TNS3: variants seen among roughly 807,000 people sequenced by gnomAD.
TNS3 encodes the protein tensin-3.
In TNS3, 45 loss-of-function variants were observed where a neutral mutation model predicts 140.9. That is an observed-to-expected ratio of 0.32 (90% confidence interval 0.25 to 0.41). The LOEUF (loss-of-function observed/expected upper bound fraction) is 0.41, where lower values mean the gene tolerates loss of function less well. Among genes scored for constraint, TNS3 ranks in the 10% least tolerant of loss-of-function variants. The pLI, the probability that TNS3 is intolerant of heterozygous loss-of-function variation, is 1.00. For synonymous variants in TNS3, 815 were observed against 788.4 expected, an observed-to-expected ratio of 1.03 and a Z score of -0.56; for missense variants, 1,716 against 1,906.7, an observed-to-expected ratio of 0.90 and a Z score of 1.86.
intron 20 of TNS3, among the ~76,000 whole-genome samples, chr7:47,342,279 A>G (rs1789064361): frequency 6.6e-6 from 1 of 152,236 alleles, no homozygotes. Flanking sequence ...AGAGAAAAGT[A>G]TGTCTAATTC....
At chr7:47,439,885 C>T (rs1380958900) in intron 5 of TNS3, among the ~76,000 whole-genome samples, 1 of 152,062 alleles carries the variant, frequency 6.6e-6, no homozygotes, top group Admixed American at 6.5e-5. Flanking sequence ...CAGGGCATGA[C>T]GGGGTACCGC....
intron 23 of TNS3, among the ~76,000 whole-genome samples, chr7:47,301,250 G>A (rs542607263): frequency 1.3e-5 from 2 of 152,214 alleles, no homozygotes; most frequent in South Asian, 4.2e-4. Flanking sequence ...GTGGCCACCG[G>A]GATTCACTTT....
At chr7:47,578,358 TC>T (rs1327302434) in intron 1 of TNS3, among the ~76,000 whole-genome samples, 3 of 152,252 alleles carry the variant, frequency 2.0e-5, no homozygotes, top group South Asian at 4.2e-4. Context: ...ATCCTCCCCT[TC>T]CCTGACACAG....
At chr7:47,288,961 G>A (rs574582713) in intron 27 of TNS3, among the ~76,000 whole-genome samples, 1 of 152,288 alleles carries the variant, frequency 6.6e-6, no homozygotes, top group Admixed American at 6.5e-5. Flanking sequence ...TCATTTTGGA[G>A]CTTCGAGTTT....
chr7:47,432,414 C>T (rs1015915849), intron 8 of TNS3, among the ~76,000 whole-genome samples: 10 of 152,134 alleles, frequency 6.6e-5, no homozygotes, highest in South Asian at 2.1e-4. Flanking sequence ...TCTCACCAGA[C>T]GCAGCCCCTT....
rs371408432 is a variant in TNS3 at position 47,368,779 on chromosome 7, C to G, written c.1867G>C (p.Val623Leu). 3 of 1,598,712 alleles carry G rather than the reference C, an allele frequency of 1.9e-6. No homozygotes were observed. The highest frequency in any genetic ancestry group is 1.7e-6 in the Non-Finnish European group (2 of 1,173,044). The change falls in exon 17 of 31, where the codon GTC becomes CTC. Residue 623 changes from valine (V) to leucine (L), a missense_variant. Transcript: ENST00000311160. ...SRCPADNPGLVQAQPRVPLTP... is the reference protein window; with the variant it reads ...SRCPADNPGLLQAQPRVPLTP... ...AGTGGCACTCTGGGCTGGGCCTGGA[C>G]GAGGCCAGGATTGTCTGCAGGGCAG... is the stretch of plus-strand genomic sequence containing the variant.
chr7:47,490,263 C>T (rs1797761854), intron 3 of TNS3, among the ~76,000 whole-genome samples: 1 of 152,172 alleles, frequency 6.6e-6, no homozygotes, highest in African/African-American at 2.4e-5. Flanking sequence ...TCACCGGCCA[C>T]CTATAATTAA....
intron 24 of TNS3, among the ~76,000 whole-genome samples, chr7:47,296,858 T>C (rs1057220818): frequency 2.0e-5 from 3 of 152,142 alleles, no homozygotes; most frequent in African/African-American, 7.2e-5. Flanking sequence ...TTTTGAACAA[T>C]GAAATGGATT....
chr7:47,288,787 T>G (rs1284586305), intron 27 of TNS3, among the ~76,000 whole-genome samples: 2 of 152,212 alleles, frequency 1.3e-5, no homozygotes, highest in Non-Finnish European at 2.9e-5. Context: ...CAAGGCATTG[T>G]CAATGTCCTA....
chr7:47,533,839 C>T (rs1394865807), intron 1 of TNS3, among the ~76,000 whole-genome samples: 1 of 152,078 alleles, frequency 6.6e-6, no homozygotes, highest in African/African-American at 2.4e-5. Flanking sequence ...TGAGATGTGC[C>T]TTTCACCTTT....
chr7:47,363,811 C>T (rs1165763916), intron 17 of TNS3, among the ~76,000 whole-genome samples: 1 of 152,200 alleles, frequency 6.6e-6, no homozygotes, highest in Admixed American at 6.5e-5. Context: ...GGAAATGATG[C>T]CCCTTGCAGG....
intron 17 of TNS3, among the ~76,000 whole-genome samples, chr7:47,366,911 C>T (rs913508756): frequency 2.6e-5 from 4 of 152,350 alleles, no homozygotes; most frequent in Middle Eastern, 6.8e-3. Flanking sequence ...GTGGGAATCA[C>T]ATGCACGGCG....
At chr7:47,389,006 GAAGAAGAAGAA>G (rs1792261994) in intron 16 of TNS3, among the ~76,000 whole-genome samples, 1 of 2,396 alleles carries the variant, frequency 4.2e-4, no homozygotes, top group African/African-American at 5.5e-4. Context: ...GAAGAAGGAA[GAAGAAGAAGAA>G]GAAGAAGAAG....
chr7:47,549,777 G>A (rs1800013366), intron 1 of TNS3, among the ~76,000 whole-genome samples: 1 of 152,144 alleles, frequency 6.6e-6, no homozygotes, highest in African/African-American at 2.4e-5. Flanking sequence ...CGGTTCAGAG[G>A]GATCCCCCTG....
chr7:47,363,353 C>T (rs1390288088), intron 17 of TNS3, among the ~76,000 whole-genome samples: 1 of 151,456 alleles, frequency 6.6e-6, no homozygotes, highest in East Asian at 1.9e-4. Flanking sequence ...AGCAGCAGCA[C>T]CACTATTATT....
chr7:47,505,098 C>G (rs1447209354), intron 3 of TNS3, among the ~76,000 whole-genome samples: 2 of 152,158 alleles, frequency 1.3e-5, no homozygotes, highest in African/African-American at 2.4e-5. Context: ...GGGCCCACAA[C>G]AGAGTCAGGA....
At chr7:47,468,919 AAC>A (rs1226024534) in intron 4 of TNS3, among the ~76,000 whole-genome samples, 2 of 152,210 alleles carry the variant, frequency 1.3e-5, no homozygotes, top group Non-Finnish European at 2.9e-5. Flanking sequence ...CAGAACAGAA[AAC>A]ACAAATAAAG....
intron 4 of TNS3, among the ~76,000 whole-genome samples, chr7:47,444,234 C>T (rs1045461249): frequency 1.3e-5 from 2 of 152,178 alleles, no homozygotes; most frequent in African/African-American, 4.8e-5. Context: ...CATGAACCCA[C>T]CAGGATCTGA....
chr7:47,320,451 C>T (rs1218391621), intron 20 of TNS3, among the ~76,000 whole-genome samples: 1 of 152,214 alleles, frequency 6.6e-6, no homozygotes, highest in African/African-American at 2.4e-5. Flanking sequence ...ATAAAAAATA[C>T]CACACAGTGA....
Sources: allele counts gnomAD v4.1 joint callset (sites outside exome capture counted in the v4.1 genomes callset), GRCh38; gene constraint gnomAD v4.1.1; transcripts MANE v1.5; gene names NCBI Gene and HGNC (gene_info 2026-07-23, HGNC 2026-07-21).